The following AKAP13 variants were observed in gnomAD, a reference collection of about 807,000 sequenced individuals.
AKAP13 encodes the protein A-kinase anchor protein 13.
Under a neutral mutation model 264.5 loss-of-function variants are expected in AKAP13, and 80 were observed. The ratio of observed to expected loss-of-function variants is 0.30; its 90% confidence interval spans 0.25 to 0.36. The LOEUF (loss-of-function observed/expected upper bound fraction) is 0.36, where lower values mean the gene tolerates loss of function less well. Ranked by LOEUF, AKAP13 falls within the 10% of genes least tolerant of loss-of-function variation. The pLI is 1.00. For synonymous variants in AKAP13, 1,380 were observed against 1,250.2 expected (o/e 1.10, Z -2.19); for missense variants, 3,712 against 3,435.2 (o/e 1.08, Z -2.01).
At chr15:85,625,284 C>T (rs892893151) in intron 8 of AKAP13, among the ~76,000 whole-genome samples, 3 of 152,168 alleles carry the variant, frequency 2.0e-5, no homozygotes, top group African/African-American at 7.2e-5. Flanking sequence ...TAGAAAGATA[C>T]ATAATCATCT....
At chr15:85,523,878 G>A (rs2076923563) in intron 3 of AKAP13, among the ~76,000 whole-genome samples, 2 of 148,118 alleles carry the variant, frequency 1.4e-5, no homozygotes, top group African/African-American at 5.0e-5. Flanking sequence ...TTTTAGCTTG[G>A]AGAAGGAATA....
chr15:85,633,249 G>C (rs540423661), intron 8 of AKAP13, among the ~76,000 whole-genome samples: 2 of 152,040 alleles, frequency 1.3e-5, no homozygotes, highest in Admixed American at 1.3e-4. Flanking sequence ...GTAATTCGTA[G>C]TAGTTCATTT....
At position 85,693,374 on chromosome 15, in the gene AKAP13, C is replaced by G. The variant is rs1486678904; in HGVS notation, c.5387C>G (p.Ser1796Cys). The G allele has an allele frequency of 6.2e-7, 1 of 1,613,934 alleles. No homozygotes were observed. Among genetic ancestry groups the G allele is most frequent in the East Asian group, 2.2e-5 (1 of 44,868 alleles). The change falls in exon 17 of 37, where the codon TCC becomes TGC. Residue 1796 changes from serine (S) to cysteine (C), a missense_variant. Coordinates refer to ENST00000394518, the MANE Select transcript of AKAP13 (RefSeq NM_007200.5). ...ACTGTCAACGGGCACACTTTCAGTT[C>G]CATTCCTGTTGTGGGTCCCATCAGC... The part of the protein sequence containing the change: ...KKTVNGHTFS[S>C]IPVVGPISCS...
chr15:85,498,891 C>A (rs1238884048), intron 2 of AKAP13, among the ~76,000 whole-genome samples: 1 of 152,154 alleles, frequency 6.6e-6, no homozygotes, highest in East Asian at 1.9e-4. Flanking sequence ...CCCAAAAAGT[C>A]ACTTTAAAAT....
chr15:85,621,049 T>C (rs1321878249), intron 8 of AKAP13, among the ~76,000 whole-genome samples: 3 of 152,168 alleles, frequency 2.0e-5, no homozygotes, highest in Non-Finnish European at 4.4e-5. Flanking sequence ...TGTGAGGGTG[T>C]ATGTGGAGGT....
chr15:85,730,958 G>T (rs569928314), intron 30 of AKAP13, among the ~76,000 whole-genome samples: 1 of 149,770 alleles, frequency 6.7e-6, no homozygotes, highest in African/African-American at 2.5e-5. Flanking sequence ...CCTCCAAAAG[G>T]AGCAGTTATT....
Position 85,529,448 on chromosome 15 carries a change from T to G in AKAP13, c.182-4136T>G, listed in dbSNP as rs190729528. ...AATAAATAAATAAATAAAATAACCCTGCAGTCTTTATGTACAAAGGTAGTC... is the reference window on the plus strand; with the variant it reads ...AATAAATAAATAAATAAAATAACCCGGCAGTCTTTATGTACAAAGGTAGTC... On this transcript the variant is annotated intron_variant, in intron 3 of 36. Transcript: ENST00000394518. 2.8e-4 allele frequency among the ~76,000 whole-genome samples: 42 copies of G among 152,238 alleles called. No individual in the cohort carries two copies. In the South Asian group the frequency reaches 7.9e-3, roughly 29 times the overall value.
intron 2 of AKAP13, among the ~76,000 whole-genome samples, chr15:85,504,935 C>CGT (rs2076167343): frequency 1.3e-5 from 2 of 151,756 alleles, no homozygotes; most frequent in African/African-American, 2.4e-5. Context: ...CCCTCTCTCC[C>CGT]ATCTCTCTCT....
At chr15:85,652,053 G>A (rs2082881754) in intron 10 of AKAP13, among the ~76,000 whole-genome samples, 1 of 152,214 alleles carries the variant, frequency 6.6e-6, no homozygotes, top group Non-Finnish European at 1.5e-5. Context: ...ATATTATTCT[G>A]TGTGAACTTT....
chr15:85,503,194 A>G (rs2076083521), intron 2 of AKAP13, among the ~76,000 whole-genome samples: 2 of 152,334 alleles, frequency 1.3e-5, no homozygotes, highest in African/African-American at 2.4e-5. Flanking sequence ...AGCATTTGAT[A>G]CAAGAGCCAT....
chr15:85,503,375 G>GGTACTTTGGTACTATAGCCCTC (rs2076090142), intron 2 of AKAP13, among the ~76,000 whole-genome samples: 1 of 152,196 alleles, frequency 6.6e-6, no homozygotes, highest in Non-Finnish European at 1.5e-5. Flanking sequence ...TTCAAAGCCT[G>GGTACTTTGGTACTATAGCCCTC]TGGTCTTCCT....
intron 8 of AKAP13, chr15:85,619,849 C>T (rs1037183951): frequency 8.1e-6 from 11 of 1,357,602 alleles, no homozygotes; most frequent in Non-Finnish European, 1.0e-5. Context: ...CTACATTCAT[C>T]TTTCCAGCAC....
rs116094299 is a variant in AKAP13 at position 85,384,799 on chromosome 15, A to C, written c.-12+4001A>C. On this transcript the variant is annotated intron_variant, in intron 1 of 36. Transcript: ENST00000394518. Reference sequence around the variant, plus strand: ...AAGTTTGTTTCCTGCGTTTGTCCTCATATTTATAGTTTTCTCGTCCACCTA... The same window carrying C: ...AAGTTTGTTTCCTGCGTTTGTCCTCCTATTTATAGTTTTCTCGTCCACCTA... 1.6e-3 allele frequency among the ~76,000 whole-genome samples: 239 copies of C among 151,888 alleles called. 1 individual carries two copies. Among genetic ancestry groups the C allele is most frequent in the African/African-American group, 5.2e-3 (215 of 41,406 alleles).
intron 1 of AKAP13, among the ~76,000 whole-genome samples, chr15:85,395,370 TGG>T (rs1350176129): frequency 1.3e-5 from 2 of 152,240 alleles, no homozygotes; most frequent in South Asian, 2.1e-4. Context: ...AATTTAAAGG[TGG>T]GATGAGTTGG....
intron 8 of AKAP13, among the ~76,000 whole-genome samples, chr15:85,632,927 G>A (rs1360063045): frequency 2.0e-5 from 3 of 151,768 alleles, no homozygotes; most frequent in South Asian, 2.1e-4. Flanking sequence ...GTGCTGTGGC[G>A]TGATCTTGGC....
chr15:85,469,973 A>T (rs1429357337), intron 1 of AKAP13, among the ~76,000 whole-genome samples: 1 of 152,196 alleles, frequency 6.6e-6, no homozygotes, highest in Admixed American at 6.5e-5. Context: ...TCTTCCAAGT[A>T]ACATATAGGG....
chr15:85,454,435 C>G (rs192261528), intron 1 of AKAP13, among the ~76,000 whole-genome samples: 1 of 152,054 alleles, frequency 6.6e-6, no homozygotes, highest in Non-Finnish European at 1.5e-5. Flanking sequence ...CCCCTGGCTC[C>G]GTGTTGCTCC....
chr15:85,530,713 G>A (rs767918443), intron 3 of AKAP13, among the ~76,000 whole-genome samples: 4 of 152,034 alleles, frequency 2.6e-5, no homozygotes, highest in South Asian at 2.1e-4. Flanking sequence ...TTCTGTTGAC[G>A]AACCACAGCA....
intron 2 of AKAP13, among the ~76,000 whole-genome samples, chr15:85,493,993 A>C (rs1319150209): frequency 6.6e-6 from 1 of 152,244 alleles, no homozygotes; most frequent in African/African-American, 2.4e-5. Context: ...CCTATATTCA[A>C]GGGTACACCT....
Sources: allele counts gnomAD v4.1 joint callset (sites outside exome capture counted in the v4.1 genomes callset), GRCh38; gene constraint gnomAD v4.1.1; transcripts MANE v1.5; gene names NCBI Gene and HGNC (gene_info 2026-07-23, HGNC 2026-07-21).